The following PSTK variants were observed in gnomAD, a reference collection of about 807,000 sequenced individuals.
The protein encoded by PSTK is L-seryl-tRNA(Sec) kinase.
A neutral mutation model predicts 38.6 loss-of-function variants in PSTK; 26 were observed. The ratio of observed to expected loss-of-function variants is 0.67; its 90% CI spans 0.49 to 0.94. The LOEUF (loss-of-function observed/expected upper bound fraction) is 0.94, where lower values mean the gene tolerates loss of function less well. Among genes scored for constraint, PSTK ranks in the 40% least tolerant of loss-of-function variants. The probability of loss-of-function intolerance (pLI) is 0.00; values close to 1 mark genes in which losing one functional copy is unlikely to be tolerated. For synonymous variants in PSTK, 181 were observed against 161.7 expected, an observed-to-expected ratio of 1.12 and a Z score of -0.91; for missense variants, 445 against 436.3, an observed-to-expected ratio of 1.02 and a Z score of -0.18.
At chr10:122,987,312 G>T in intron 5 of PSTK, 1 of 1,600,590 alleles carries the variant, frequency 6.2e-7, no homozygotes, top group South Asian at 1.1e-5. Flanking sequence ...GTGTAGTGAT[G>T]GGAGGATTTA....
At chr10:122,989,666 A>C (rs1461694177) in intron 5 of PSTK, among the ~76,000 whole-genome samples, 5 of 152,234 alleles carry the variant, frequency 3.3e-5, no homozygotes, top group Non-Finnish European at 7.3e-5. Context: ...TATGTGAATT[A>C]TGTCCTAATA....
At chr10:122,981,796 G>A (rs1479314253) in intron 1 of PSTK, among the ~76,000 whole-genome samples, 2 of 152,148 alleles carry the variant, frequency 1.3e-5, no homozygotes, top group Non-Finnish European at 2.9e-5. Context: ...AGGGATTGTT[G>A]TATTTGCTGG....
At position 122,982,752 on chromosome 10, in the gene PSTK, T is replaced by G; in HGVS notation, c.236T>G (p.Leu79Arg). The G allele has an allele frequency of 6.2e-7, 1 of 1,614,182 alleles. No individual in the cohort carries two copies. Among genetic ancestry groups the G allele is most frequent in the East Asian group, 2.2e-5 (1 of 44,888 alleles). ...ARPAPSQWKL[L>R]RQELLKYLEY... ...TTGTAGCCATCCCAATGGAAATTGC[T>G]TCGACAGGAACTGTTGAAGTACCTG... The change falls in exon 2 of 6, where the codon CTT becomes CGT. Residue 79 changes from leucine to arginine, a missense_variant. Physicochemically the swap from Leu to Arg is moderately radical, Grantham distance 102. Coordinates refer to ENST00000406217, the MANE Select transcript of PSTK (RefSeq NM_001363531.2).
At chr10:122,981,477 A>T (rs1848958062) in intron 1 of PSTK, among the ~76,000 whole-genome samples, 2 of 152,242 alleles carry the variant, frequency 1.3e-5, no homozygotes, top group African/African-American at 4.8e-5. Context: ...AGTAGATTAC[A>T]TTCGTGTTTC....
rs770026031 is a variant in PSTK, at chr10:122,980,580, TCG to T, written c.109_110del (p.Ala37ProfsTer19). The T allele has an allele frequency of 6.2e-7, 1 of 1,612,034 alleles. No homozygotes were observed. Among genetic ancestry groups the T allele is most frequent in the East Asian group, 2.2e-5 (1 of 44,818 alleles). The stretch of plus-strand genomic sequence containing the variant: ...CTCCCCGCGGCAGGAAAATCGACTT[TCG>T]CGCGCGCCCTCGCCCACCGGCTGCA... On this transcript the variant is annotated frameshift_variant, in exon 1 of 6. Transcript: ENST00000406217. LOFTEE classifies it high-confidence loss of function. The surrounding 1 kb of genome is among the most constrained non-coding windows in gnomAD (Gnocchi z 4.3).
chr10:122,985,703 G>A (rs892314241), intron 3 of PSTK: 1 of 152,196 alleles, frequency 6.6e-6, no homozygotes, highest in African/African-American at 2.4e-5. Context: ...GAGGGGAAAA[G>A]AGAATGACTT....
At position 122,983,291 on chromosome 10, in the gene PSTK, GCT is replaced by G. The variant is rs1848991440; in HGVS notation, c.531_532del (p.Leu179ArgfsTer5). On this transcript the variant is annotated frameshift_variant, in exon 3 of 6. Coordinates refer to ENST00000406217, the MANE Select transcript of PSTK (RefSeq NM_001363531.2). LOFTEE classifies it high-confidence loss of function. Reference sequence around the variant, plus strand: ...TTTCAGATTCGTTGGGCTTTTGCCAGCTCTTTTTAGATTGTCCTCTTGAGACC... The same window carrying G: ...TTTCAGATTCGTTGGGCTTTTGCCAGCTTTTTAGATTGTCCTCTTGAGACC... ...ARKYSLGFCQ[L>X]FLDCPLETCL... The G allele has an allele frequency of 8.7e-6, 14 of 1,611,454 alleles. No homozygotes were observed. The highest frequency in any genetic ancestry group is 1.2e-5 in the Non-Finnish European group (14 of 1,179,176).
rs1202797042 is a variant in PSTK, at chr10:122,983,310, C to G, written c.547C>G (p.Leu183Val). The change falls in exon 3 of 6, where the codon CTT becomes GTT. Residue 183 changes from leucine to valine, a missense_variant. Leu to Val is a conservative substitution (Grantham distance 32, BLOSUM62 1). Transcript: ENST00000406217. ...GFCQLFLDCPLETCLQRNGQR... is the reference protein window; with the variant it reads ...GFCQLFLDCPVETCLQRNGQR... ...TTGCCAGCTCTTTTTAGATTGTCCT[C>G]TTGAGACCTGTTTACAGAGGAATGG... The G allele has an allele frequency of 1.2e-6, 2 of 1,614,058 alleles. No individual in the cohort carries two copies. Among genetic ancestry groups the G allele is most frequent in the Non-Finnish European group, 1.7e-6 (2 of 1,180,024 alleles).
In PSTK at chr10:122,980,906, A is replaced by C; in HGVS notation, c.216+211A>C. The C allele has an allele frequency of 3.0e-6, 2 of 675,414 alleles. No homozygotes were observed. The highest frequency in any genetic ancestry group is 1.8e-6 in the Non-Finnish European group (1 of 546,768). 41.8% of individuals were successfully genotyped at this position (675,414 alleles called of 1,614,324 possible). ...GCTGTAGAAAGTGGTTACAAAGCCA[A>C]CTGTTAGAACGATGCATTTTAGATG... On this transcript the variant is annotated intron_variant, in intron 1 of 5. Transcript: ENST00000406217. This position sits in a 1 kb window ranked among gnomAD's most constrained non-coding sequence, Gnocchi z 4.3.
chr10:122,985,618 A>G (rs1849022531), intron 3 of PSTK: 1 of 152,240 alleles, frequency 6.6e-6, no homozygotes, highest in African/African-American at 2.4e-5. Context: ...AATAAGCGGG[A>G]GCCAGAAAGT....
intron 5 of PSTK, chr10:122,987,436 G>T (rs936779895): frequency 6.2e-7 from 1 of 1,614,210 alleles, no homozygotes; most frequent in African/African-American, 1.3e-5. Context: ...CACATCAAGT[G>T]CAGAAGCGCA....
rs752446394 is a variant in PSTK, at chr10:122,982,920, A to T, written c.404A>T (p.Tyr135Phe). 3 of 1,614,190 alleles carry T rather than the reference A, an allele frequency of 1.9e-6. No homozygotes were observed. The Admixed American group carries it at 5.0e-5, about 27-fold the overall frequency. The change falls in exon 2 of 6, where the codon TAC (tyrosine) becomes TTC (phenylalanine). Residue 135 changes from tyrosine to phenylalanine, a missense_variant. Coordinates refer to ENST00000406217, the MANE Select transcript of PSTK (RefSeq NM_001363531.2). The part of the protein sequence containing the change: ...FSAAFEAQSC[Y>F]LLTKTAVSRP... ...GCAGCATTTGAGGCCCAGTCTTGCT[A>T]CCTCTTAACAAAAACTGCTGTTTCT...
chr10:122,986,856 T>C lies in PSTK; in HGVS notation c.784-13T>C. 6.7e-7 allele frequency: 1 copy of C among 1,492,632 alleles called. No individual in the cohort carries two copies. 92.5% of individuals were successfully genotyped at this position (1,492,632 alleles called of 1,614,324 possible). A position where few individuals can be genotyped will look rare whatever the true frequency, so the allele number is the denominator to read the frequency against. On this transcript the variant is annotated splice_polypyrimidine_tract_variant and intron_variant, in intron 4 of 5. Coordinates refer to ENST00000406217, the MANE Select transcript of PSTK (RefSeq NM_001363531.2). ...CTATGTGACTTCTAATAACAATGTCTGTATTAACATAGGACACAGACAGAA... is the reference window on the plus strand; with the variant it reads ...CTATGTGACTTCTAATAACAATGTCCGTATTAACATAGGACACAGACAGAA...
rs1224049303 is a variant in PSTK, at chr10:122,980,972, A to G, written c.216+277A>G. On this transcript the variant is annotated intron_variant, in intron 1 of 5. Transcript: ENST00000406217. This position sits in a 1 kb window ranked among gnomAD's most constrained non-coding sequence, Gnocchi z 4.3. ...GATGCATGTATATGTTGTATATTCT[A>G]TACAGTTGAGTCTTCAGACAGGGTC... is the stretch of plus-strand genomic sequence containing the variant. Among the ~76,000 whole-genome samples the G allele has an allele frequency of 1.3e-5, 2 of 152,236 alleles. No homozygotes were observed. The highest frequency in any genetic ancestry group is 2.9e-5 in the Non-Finnish European group (2 of 68,042).
rs1278383456 is a variant in PSTK at position 122,980,877 on chromosome 10, G to T, written c.216+182G>T. On this transcript the variant is annotated intron_variant, in intron 1 of 5. Transcript: ENST00000406217. This position sits in a 1 kb window ranked among gnomAD's most constrained non-coding sequence, Gnocchi z 4.3. ...CATAGTTACTGCAGAGGGTGAATGC[G>T]TTGGCTGTAGAAAGTGGTTACAAAG... is the stretch of plus-strand genomic sequence containing the variant. 2 of 943,464 alleles carry T rather than the reference G, an allele frequency of 2.1e-6. No individual in the cohort carries two copies. Among genetic ancestry groups the T allele is most frequent in the South Asian group, 4.9e-5 (1 of 20,432 alleles). The allele number at this position is 943,464 out of a possible 1,614,324, so 58.4% of individuals were successfully genotyped here.
chr10:122,982,942 T>G lies in PSTK; in HGVS notation c.426T>G (p.Val142=). 1 of 1,614,144 alleles carries G rather than the reference T, an allele frequency of 6.2e-7. No individual in the cohort carries two copies. The highest frequency in any genetic ancestry group is 8.5e-7 in the Non-Finnish European group (1 of 1,179,974). Residue 142 remains valine (V), a synonymous_variant, in exon 2 of 6, where the codon GTT becomes GTG. Transcript: ENST00000406217. ...GCTACCTCTTAACAAAAACTGCTGT[T>G]TCTAGACCTTTGTTTTTGGTTTTGG... ...QSCYLLTKTA[V]SRPLFLVLDD... is the part of the protein sequence containing the mutation.
In PSTK at chr10:122,980,622, G is replaced by A. The variant is rs756659033; in HGVS notation, c.143G>A (p.Trp48Ter). The A allele has an allele frequency of 6.2e-7, 1 of 1,612,052 alleles. No individual in the cohort carries two copies. Among genetic ancestry groups the A allele is most frequent in the Non-Finnish European group, 8.5e-7 (1 of 1,179,532 alleles). Residue 48 changes from tryptophan to a stop codon, truncating the protein, a stop_gained, in exon 1 of 6, where the codon TGG (tryptophan) becomes TAG (stop). Coordinates refer to ENST00000406217, the MANE Select transcript of PSTK (RefSeq NM_001363531.2). LOFTEE classifies it high-confidence loss of function. This position sits in a 1 kb window ranked among gnomAD's most constrained non-coding sequence, Gnocchi z 4.3. ...CACCGGCTGCAGCAGGAGCAGGGTT[G>A]GGCCATCGGTGTTGTCGCGTATGAT... ...LAHRLQQEQG[W>*]AIGVVAYDDV...
intron 5 of PSTK, among the ~76,000 whole-genome samples, chr10:122,987,760 A>G (rs1367776651): frequency 6.6e-6 from 1 of 152,224 alleles, no homozygotes; most frequent in Non-Finnish European, 1.5e-5. Flanking sequence ...TAATCTTCAC[A>G]GTCCTATAAG....
Position 122,980,874 on chromosome 10 carries a change from T to G in PSTK, c.216+179T>G. On this transcript the variant is annotated intron_variant, in intron 1 of 5. Coordinates refer to ENST00000406217, the MANE Select transcript of PSTK (RefSeq NM_001363531.2). The surrounding 1 kb of genome is among the most constrained non-coding windows in gnomAD (Gnocchi z 4.3). ...TAACATAGTTACTGCAGAGGGTGAA[T>G]GCGTTGGCTGTAGAAAGTGGTTACA... 4.4e-6 allele frequency: 4 copies of G among 903,736 alleles called. No individual in the cohort carries two copies. Among genetic ancestry groups the G allele is most frequent in the South Asian group, 5.1e-5 (1 of 19,652 alleles). The allele number at this position is 903,736 out of a possible 1,614,324, so 56.0% of individuals were successfully genotyped here.
Sources: allele counts gnomAD v4.1 joint callset (sites outside exome capture counted in the v4.1 genomes callset), GRCh38; gene constraint gnomAD v4.1.1; non-coding constraint Gnocchi (gnomAD v3.1); transcripts MANE v1.5; gene names NCBI Gene and HGNC (gene_info 2026-07-23, HGNC 2026-07-21).